Variants in CNBD1 observed in about 807,000 individuals in gnomAD.
CNBD1 encodes the protein cyclic nucleotide binding domain containing 1, also known as cyclic nucleotide-binding domain-containing protein 1.
In CNBD1, 71 loss-of-function variants were observed where a neutral mutation model predicts 54.4. The ratio of observed to expected loss-of-function variants is 1.30; its 90% CI spans 1.08 to 1.59. The LOEUF (loss-of-function observed/expected upper bound fraction) is 1.59, where lower values mean the gene tolerates loss of function less well. CNBD1 is among the 40% of genes most tolerant of loss of function. The pLI is 0.00. For missense variants in CNBD1, 659 were observed against 518.0 expected, an observed-to-expected ratio of 1.27 and a Z score of -2.64; for synonymous variants, 182 against 170.7, an observed-to-expected ratio of 1.07 and a Z score of -0.51.
chr8:87,374,606 T>C (rs1291415883), intron 10 of CNBD1, among the ~76,000 whole-genome samples: 3 of 151,814 alleles, frequency 2.0e-5, no homozygotes, highest in African/African-American at 7.2e-5. Flanking sequence ...CACGTTAAAT[T>C]TCCCAGCCTC....
chr8:87,110,807 C>A (rs1169383519), intron 4 of CNBD1, among the ~76,000 whole-genome samples: 1 of 152,234 alleles, frequency 6.6e-6, no homozygotes, highest in Non-Finnish European at 1.5e-5. Flanking sequence ...TTATCCACCA[C>A]ATGTGAATGT....
At chr8:87,069,833 G>T (rs1810724848) in intron 4 of CNBD1, among the ~76,000 whole-genome samples, 1 of 151,910 alleles carries the variant, frequency 6.6e-6, no homozygotes, top group African/African-American at 2.4e-5. Context: ...TTTAATTTTT[G>T]ATTTGTTTGT....
intron 4 of CNBD1, among the ~76,000 whole-genome samples, chr8:86,978,246 G>C (rs964416475): frequency 1.3e-5 from 2 of 151,966 alleles, no homozygotes; most frequent in African/African-American, 2.4e-5. Flanking sequence ...CATTAATCTC[G>C]TTTACAGAAA....
intron 4 of CNBD1, among the ~76,000 whole-genome samples, chr8:87,142,961 A>G (rs956134447): frequency 6.6e-6 from 1 of 152,174 alleles, no homozygotes; most frequent in African/African-American, 2.4e-5. Flanking sequence ...ATAGTTGTGA[A>G]CAAAACAAAC....
chr8:87,408,910 C>T (rs932499581), intron 2 of CNBD1, among the ~76,000 whole-genome samples: 1 of 152,076 alleles, frequency 6.6e-6, no homozygotes, highest in Non-Finnish European at 1.5e-5. Flanking sequence ...TTGACTCCCT[C>T]ACCAGTTTGT....
At chr8:87,402,829 T>C (rs891337488) in intron 2 of CNBD1, among the ~76,000 whole-genome samples, 8 of 152,034 alleles carry the variant, frequency 5.3e-5, no homozygotes, top group Non-Finnish European at 1.5e-5. Flanking sequence ...GAAAATAGAA[T>C]GGAAGCAAAG....
chr8:87,414,420 C>G (rs1446677496), intron 2 of CNBD1, among the ~76,000 whole-genome samples: 1 of 151,850 alleles, frequency 6.6e-6, no homozygotes, highest in Non-Finnish European at 1.5e-5. Flanking sequence ...ATACCTAATG[C>G]TAAATGACAA....
intron 5 of CNBD1, among the ~76,000 whole-genome samples, chr8:87,216,494 A>G (rs1280886315): frequency 6.6e-6 from 1 of 152,166 alleles, no homozygotes; most frequent in African/African-American, 2.4e-5. Context: ...CTGTCATATG[A>G]GAAAGAAATT....
intron 6 of CNBD1, among the ~76,000 whole-genome samples, chr8:87,244,879 A>G (rs776581605): frequency 6.6e-6 from 1 of 152,210 alleles, no homozygotes; most frequent in Non-Finnish European, 1.5e-5. Flanking sequence ...TGCAACTGAT[A>G]GAGGATTTAA....
chr8:87,357,467 A>G (rs1810442165), intron 10 of CNBD1, among the ~76,000 whole-genome samples: 1 of 152,162 alleles, frequency 6.6e-6, no homozygotes, highest in Non-Finnish European at 1.5e-5. Context: ...GTCAACAGAG[A>G]CGATTTTGGA....
At chr8:87,067,603 T>A (rs1167440847) in intron 4 of CNBD1, among the ~76,000 whole-genome samples, 1 of 152,004 alleles carries the variant, frequency 6.6e-6, no homozygotes, top group East Asian at 1.9e-4. Context: ...CATAAATATT[T>A]CAATCTTTTT....
chr8:86,999,442 A>G (rs931978652), intron 4 of CNBD1, among the ~76,000 whole-genome samples: 2 of 152,092 alleles, frequency 1.3e-5, no homozygotes, highest in African/African-American at 4.8e-5. Context: ...GTTGCTTTTA[A>G]ACTTCAGTCA....
chr8:86,929,368 G>A (rs1449725121), intron 3 of CNBD1, among the ~76,000 whole-genome samples: 1 of 152,176 alleles, frequency 6.6e-6, no homozygotes, highest in Non-Finnish European at 1.5e-5. Context: ...GTTCAGGTAA[G>A]CACCAGTAGT....
chr8:86,981,313 C>T (rs1301443777), intron 4 of CNBD1, among the ~76,000 whole-genome samples: 2 of 152,172 alleles, frequency 1.3e-5, no homozygotes, highest in Non-Finnish European at 2.9e-5. Flanking sequence ...CCTCTATGGC[C>T]TTCATTTGCT....
In CNBD1 at chr8:87,275,108, GCT is replaced by G. The variant is rs1390843554; in HGVS notation, c.772-9569_772-9568del. On this transcript the variant is annotated intron_variant, in intron 6 of 10. Transcript: ENST00000518476. ...TAGATATGCGGCGTTATTTCTGAGG[GCT>G]GTGTTCTGTTCCATTGATCTGTATG... Among the ~76,000 whole-genome samples, 4 of 135,994 alleles carry G rather than the reference GCT, an allele frequency of 2.9e-5. 1 individual carries two copies. The highest frequency in any genetic ancestry group is 4.8e-5 in the Non-Finnish European group (3 of 63,140). 89.2% of individuals were successfully genotyped at this position (135,994 alleles called of 152,430 possible). A position where few individuals can be genotyped will look rare whatever the true frequency, so the allele number is the denominator to read the frequency against.
chr8:87,038,409 T>C (rs1213368234), intron 4 of CNBD1, among the ~76,000 whole-genome samples: 1 of 152,130 alleles, frequency 6.6e-6, no homozygotes, highest in Non-Finnish European at 1.5e-5. Flanking sequence ...TTTTCAAGGA[T>C]ACTTTGGTGA....
At chr8:87,059,748 A>G (rs1414174080) in intron 4 of CNBD1, among the ~76,000 whole-genome samples, 1 of 152,236 alleles carries the variant, frequency 6.6e-6, no homozygotes, top group Non-Finnish European at 1.5e-5. Context: ...CATGGGAACT[A>G]TAATTCAAAA....
At chr8:87,267,927 G>T (rs2130855329) in intron 6 of CNBD1, among the ~76,000 whole-genome samples, 1 of 152,198 alleles carries the variant, frequency 6.6e-6, no homozygotes, top group South Asian at 2.1e-4. Context: ...GTTTAATTTA[G>T]TCTGCTAGTA....
intron 8 of CNBD1, among the ~76,000 whole-genome samples, chr8:87,333,463 G>A (rs1381731552): frequency 6.6e-6 from 1 of 152,154 alleles, no homozygotes; most frequent in African/African-American, 2.4e-5. Flanking sequence ...AGCTTTCAAA[G>A]GGAATACTAC....
Sources: gnomAD v4.1 joint callset for allele counts (sites outside exome capture counted in the v4.1 genomes callset) on GRCh38, gnomAD v4.1.1 for gene constraint, MANE v1.5 for transcripts, NCBI Gene and HGNC (gene_info 2026-07-23, HGNC 2026-07-21) for gene names.